The following FIGN variants were observed in gnomAD, a reference collection of about 807,000 sequenced individuals.
FIGN encodes fidgetin, microtubule severing factor.
In FIGN, 11 loss-of-function variants were observed where a neutral mutation model predicts 51.3. The observed-to-expected ratio is 0.21, with a 90% CI of 0.13 to 0.35. FIGN has a LOEUF of 0.35. Ranked by LOEUF, FIGN falls within the 10% of genes least tolerant of loss-of-function variation. The pLI is 1.00. For synonymous variants in FIGN, 407 were observed against 363.2 expected (o/e 1.12, Z -1.37); for missense variants, 857 against 943.6 (o/e 0.91, Z 1.20).
Position 163,701,013 on chromosome 2 carries a change from A to G in FIGN, c.25+33890T>C, listed in dbSNP as rs11888931. On this transcript the variant is annotated intron_variant, in intron 2 of 2. Coordinates refer to ENST00000333129, the MANE Select transcript of FIGN (RefSeq NM_018086.4). ...AGACACTTTCTTGATGCTTTCTTAT[A>G]GTACAATTACTAAGGAAATATATCT... Among the ~76,000 whole-genome samples the G allele has an allele frequency of 7.9e-3, 1,199 of 152,288 alleles. 14 individuals are homozygous for G. Among genetic ancestry groups the G allele is most frequent in the African/African-American group, 0.027 (1,134 of 41,552 alleles).
rs897165845 is a variant in FIGN at position 163,604,119 on chromosome 2, G to A, written c.*5433C>T. ...TTGTTTTTCTTAATTTATATCAGGA[G>A]TCACAGAATTAAAATGAAGGCATTT... On this transcript the variant is annotated 3_prime_UTR_variant, in exon 3 of 3. Transcript: ENST00000333129. The A allele has an allele frequency of 1.3e-5, 2 of 152,032 alleles. No homozygotes were observed. The highest frequency in any genetic ancestry group is 4.8e-5 in the African/African-American group (2 of 41,420). 9.4% of individuals were successfully genotyped at this position (152,032 alleles called of 1,614,324 possible). A position where few individuals can be genotyped will look rare whatever the true frequency, so the allele number is the denominator to read the frequency against.
chr2:163,657,469 G>T (rs1181147886), intron 2 of FIGN, among the ~76,000 whole-genome samples: 1 of 151,624 alleles, frequency 6.6e-6, no homozygotes, highest in African/African-American at 2.4e-5. Flanking sequence ...AATGTTGGGG[G>T]TGTGTCAAAC....
intron 2 of FIGN, among the ~76,000 whole-genome samples, chr2:163,682,773 C>CG (rs942371544): frequency 2.6e-5 from 4 of 152,102 alleles, no homozygotes; most frequent in Admixed American, 6.6e-5. Context: ...AACACCTGTA[C>CG]GTATAGGGCC....
intron 2 of FIGN, among the ~76,000 whole-genome samples, chr2:163,655,389 G>T (rs760102006): frequency 7.9e-5 from 12 of 152,156 alleles, no homozygotes; most frequent in South Asian, 2.1e-4. Flanking sequence ...TGACTCTAAA[G>T]GTTTAACAGA....
At chr2:163,711,260 A>G (rs2105356716) in intron 2 of FIGN, among the ~76,000 whole-genome samples, 1 of 152,332 alleles carries the variant, frequency 6.6e-6, no homozygotes, top group Middle Eastern at 3.4e-3. Context: ...TGTCCAGCAT[A>G]CAGGAAAAAT....
intron 2 of FIGN, among the ~76,000 whole-genome samples, chr2:163,668,013 A>AAC (rs1015630034): frequency 1.1e-5 from 1 of 95,116 alleles, no homozygotes; most frequent in Non-Finnish European, 2.0e-5. Context: ...CCCTACCTCC[A>AAC]ACCCCCCCCC....
intron 2 of FIGN, among the ~76,000 whole-genome samples, chr2:163,687,663 A>C (rs1191367155): frequency 1.3e-5 from 2 of 152,216 alleles, no homozygotes; most frequent in South Asian, 2.1e-4. Flanking sequence ...GATTAAGTAC[A>C]CGTTTACCTA....
rs551276250 is a variant in FIGN, at chr2:163,685,671, C to T, written c.25+49232G>A. ...GTCAATATTAACGATCTTGCAGTAT[C>T]GTTATCTGAAGTAAGTGGAAGAATA... On this transcript the variant is annotated intron_variant, in intron 2 of 2. Transcript: ENST00000333129. Among the ~76,000 whole-genome samples the T allele has an allele frequency of 4.6e-5, 7 of 152,264 alleles. No homozygotes were observed. In the South Asian group the frequency reaches 6.2e-4, roughly 14 times the overall value.
At position 163,611,136 on chromosome 2, in the gene FIGN, C is replaced by G; in HGVS notation, c.696G>C (p.Leu232Phe). ...PPPPPPPPPA[L>F]VPGYNGTSNL... ...TAGAAGTCCCATTGTAGCCTGGGAC[C>G]AAGGCTGGTGGCGGAGGAGGTGGTG... Residue 232 changes from leucine (L) to phenylalanine (F), a missense_variant, in exon 3 of 3, where the codon TTG becomes TTC. Leu to Phe is a conservative substitution (Grantham distance 22, BLOSUM62 0). Coordinates refer to ENST00000333129, the MANE Select transcript of FIGN (RefSeq NM_018086.4). 1 of 1,614,048 alleles carries G rather than the reference C, an allele frequency of 6.2e-7. No individual in the cohort carries two copies. The highest frequency in any genetic ancestry group is 8.5e-7 in the Non-Finnish European group (1 of 1,180,000).
chr2:163,621,524 G>A (rs889614863), intron 2 of FIGN, among the ~76,000 whole-genome samples: 3 of 152,104 alleles, frequency 2.0e-5, no homozygotes, highest in African/African-American at 7.2e-5. Context: ...CAAATAAGAC[G>A]TTGTAAGAAG....
At chr2:163,678,696 G>A (rs773986035) in intron 2 of FIGN, among the ~76,000 whole-genome samples, 3 of 152,056 alleles carry the variant, frequency 2.0e-5, no homozygotes, top group Non-Finnish European at 4.4e-5. Context: ...CAAAATCCTG[G>A]TAAGCATTCC....
intron 2 of FIGN, among the ~76,000 whole-genome samples, chr2:163,695,594 T>A (rs1299874124): frequency 2.0e-5 from 3 of 152,168 alleles, no homozygotes; most frequent in African/African-American, 7.2e-5. Flanking sequence ...AGCACACATC[T>A]GAAAATGAAA....
intron 2 of FIGN, among the ~76,000 whole-genome samples, chr2:163,693,319 A>T (rs1684267034): frequency 6.6e-6 from 1 of 152,102 alleles, no homozygotes; most frequent in Non-Finnish European, 1.5e-5. Flanking sequence ...AGGAGTGAGG[A>T]GCAAGGGGTT....
chr2:163,658,284 C>T (rs538217489), intron 2 of FIGN, among the ~76,000 whole-genome samples: 2 of 151,832 alleles, frequency 1.3e-5, no homozygotes, highest in East Asian at 1.9e-4. Context: ...GCTGTGACAA[C>T]CCAACACATC....
chr2:163,726,047 T>C (rs998266722), intron 2 of FIGN, among the ~76,000 whole-genome samples: 2 of 152,092 alleles, frequency 1.3e-5, no homozygotes, highest in Non-Finnish European at 2.9e-5. Flanking sequence ...GAAACATATT[T>C]TTCCAATTAG....
At chr2:163,667,545 T>G (rs1683800429) in intron 2 of FIGN, among the ~76,000 whole-genome samples, 1 of 152,196 alleles carries the variant, frequency 6.6e-6, no homozygotes, top group Non-Finnish European at 1.5e-5. Context: ...AGAACAAATG[T>G]TTGCAGTTAT....
intron 2 of FIGN, among the ~76,000 whole-genome samples, chr2:163,640,122 A>G (rs1302720103): frequency 6.6e-6 from 1 of 152,188 alleles, no homozygotes; most frequent in Non-Finnish European, 1.5e-5. Flanking sequence ...CACTTTTAAA[A>G]TAAAACACTT....
intron 2 of FIGN, among the ~76,000 whole-genome samples, chr2:163,717,379 G>A (rs941584617): frequency 6.6e-6 from 1 of 152,012 alleles, no homozygotes; most frequent in Non-Finnish European, 1.5e-5. Flanking sequence ...ACCATCCTAG[G>A]GTCAGGGGAA....
rs1171833470 is a variant in FIGN, at chr2:163,660,714, TACATATATATGTATAC to T, written c.26-48924_26-48909del. On this transcript the variant is annotated intron_variant, in intron 2 of 2. Transcript: ENST00000333129. ...ATATACATATATATGTATACACATA[TACATATATATGTATAC>T]ACATATACATATATATGTATACACA... Among the ~76,000 whole-genome samples the T allele has an allele frequency of 6.8e-5, 7 of 102,860 alleles. 2 individuals are homozygous for T. The highest frequency in any genetic ancestry group is 1.2e-4 in the Non-Finnish European group (6 of 48,318). 67.5% of individuals were successfully genotyped at this position (102,860 alleles called of 152,430 possible). A position where few individuals can be genotyped will look rare whatever the true frequency, so the allele number is the denominator to read the frequency against.
Sources: gnomAD v4.1 joint callset for allele counts (sites outside exome capture counted in the v4.1 genomes callset) on GRCh38, gnomAD v4.1.1 for gene constraint, MANE v1.5 for transcripts, NCBI Gene and HGNC (gene_info 2026-07-23, HGNC 2026-07-21) for gene names.